The following MCC variants were observed in gnomAD, a reference collection of about 807,000 sequenced individuals.
MCC encodes the protein MCC regulator of Wnt signaling pathway, also known as colorectal mutant cancer protein.
A neutral mutation model predicts 116.2 loss-of-function variants in MCC; 90 were observed. The observed-to-expected ratio is 0.77, with a 90% confidence interval of 0.65 to 0.92. The LOEUF (loss-of-function observed/expected upper bound fraction) is 0.92, where lower values mean the gene tolerates loss of function less well. Among genes scored for constraint, MCC ranks in the 40% least tolerant of loss-of-function variants. The probability of loss-of-function intolerance (pLI) is 0.00; values close to 1 mark genes in which losing one functional copy is unlikely to be tolerated. For synonymous variants in MCC, 578 were observed against 510.5 expected (o/e 1.13, Z -1.78); for missense variants, 1,516 against 1,312.2 (o/e 1.16, Z -2.40).
chr5:113,225,804 A>G (rs191914992), intron 3 of MCC, among the ~76,000 whole-genome samples: 1 of 151,820 alleles, frequency 6.6e-6, no homozygotes, highest in Admixed American at 6.5e-5. Context: ...AGGTGATTAC[A>G]TCTGATGTCT....
chr5:113,235,634 G>A (rs1764100628), intron 3 of MCC, among the ~76,000 whole-genome samples: 1 of 152,210 alleles, frequency 6.6e-6, no homozygotes, highest in African/African-American at 2.4e-5. Flanking sequence ...CCTGGCCCAT[G>A]TCCCTTTATG....
chr5:113,478,388 G>C (rs1468227067), intron 1 of MCC, among the ~76,000 whole-genome samples: 1 of 152,196 alleles, frequency 6.6e-6, no homozygotes, highest in East Asian at 1.9e-4. Context: ...GAAACGGTTG[G>C]ATATTAGGTA....
intron 2 of MCC, among the ~76,000 whole-genome samples, chr5:113,343,344 C>T (rs777091646): frequency 2.6e-5 from 4 of 152,186 alleles, no homozygotes; most frequent in African/African-American, 4.8e-5. Context: ...GCAATTGCTC[C>T]AAGTTTACTT....
At position 113,104,364 on chromosome 5, in the gene MCC, G is replaced by C; in HGVS notation, c.1028-9C>G. 1 of 1,598,070 alleles carries C rather than the reference G, an allele frequency of 6.3e-7. No individual in the cohort carries two copies. The highest frequency in any genetic ancestry group is 8.5e-7 in the Non-Finnish European group (1 of 1,170,280). ...CAGGTCACTGCAGTTGTCTGTGAGT[G>C]AATGAAGACAAAATGCGTTACACAG... On this transcript the variant is annotated splice_polypyrimidine_tract_variant and intron_variant, in intron 6 of 18. Transcript: ENST00000408903.
chr5:113,055,433 C>T (rs761103892), intron 14 of MCC, among the ~76,000 whole-genome samples: 11 of 152,160 alleles, frequency 7.2e-5, no homozygotes, highest in Admixed American at 3.9e-4. Flanking sequence ...CACATTGCTA[C>T]GAAGACAAGG....
chr5:113,070,835 A>G (rs1753985914), intron 12 of MCC, among the ~76,000 whole-genome samples: 1 of 152,238 alleles, frequency 6.6e-6, no homozygotes, highest in Non-Finnish European at 1.5e-5. Context: ...TGAACATGTA[A>G]CATGCCAAAA....
rs574978273 is a variant in MCC, at chr5:113,023,603, A to G, written c.*3699T>C. The G allele has an allele frequency of 1.3e-5, 2 of 152,378 alleles. No homozygotes were observed. Among genetic ancestry groups the G allele is most frequent in the East Asian group, 1.9e-4 (1 of 5,196 alleles). The allele number at this position is 152,378 out of a possible 1,614,324, so 9.4% of individuals were successfully genotyped here. A position where few individuals can be genotyped will look rare whatever the true frequency, so the allele number is the denominator to read the frequency against. On this transcript the variant is annotated 3_prime_UTR_variant, in exon 19 of 19. Transcript: ENST00000408903. Reference sequence around the variant, plus strand: ...TTTTGGCTCTCAAAATACTCTAACTAGTAGCTCTGTTTGCTGAATCTAGAA... The same window carrying G: ...TTTTGGCTCTCAAAATACTCTAACTGGTAGCTCTGTTTGCTGAATCTAGAA...
At chr5:113,090,437 AT>A (rs1755529614) in intron 8 of MCC, among the ~76,000 whole-genome samples, 2 of 152,144 alleles carry the variant, frequency 1.3e-5, no homozygotes, top group Non-Finnish European at 2.9e-5. Context: ...TGAAGAACAC[AT>A]TGTTTTCTTC....
intron 3 of MCC, among the ~76,000 whole-genome samples, chr5:113,313,171 C>A (rs781574127): frequency 2.0e-5 from 3 of 151,912 alleles, no homozygotes; most frequent in African/African-American, 7.3e-5. Flanking sequence ...ATGGTGAAAC[C>A]CCGTCTCTAC....
In MCC at chr5:113,105,150, G is replaced by A. The variant is rs371333430; in HGVS notation, c.1028-795C>T. 3.3e-5 allele frequency among the ~76,000 whole-genome samples: 5 copies of A among 152,240 alleles called. No individual in the cohort carries two copies. The South Asian group carries it at 6.2e-4, about 19-fold the overall frequency. On this transcript the variant is annotated intron_variant, in intron 6 of 18. Coordinates refer to ENST00000408903, the MANE Select transcript of MCC (RefSeq NM_001085377.2). ...CCTGCTGTTTTGGATTCTGTCTATC[G>A]CCATGCCATTCAATTATTGTTGCAG...
In MCC at chr5:113,346,636, A is replaced by C. The variant is rs201994029; in HGVS notation, c.416-5906T>G. Among the ~76,000 whole-genome samples, 544 of 110,048 alleles carry C rather than the reference A, an allele frequency of 4.9e-3. 2 individuals are homozygous for C. Among genetic ancestry groups the C allele is most frequent in the African/African-American group, 0.017 (474 of 28,410 alleles). 72.2% of individuals were successfully genotyped at this position (110,048 alleles called of 152,430 possible). A position where few individuals can be genotyped will look rare whatever the true frequency, so the allele number is the denominator to read the frequency against. On this transcript the variant is annotated intron_variant, in intron 2 of 18. Coordinates refer to ENST00000408903, the MANE Select transcript of MCC (RefSeq NM_001085377.2). ...CAAACAACAACAACAACAACAACAAAAAAAACAACAAAAAGTTTATTGAAA... is the reference window on the plus strand; with the variant it reads ...CAAACAACAACAACAACAACAACAACAAAAACAACAAAAAGTTTATTGAAA...
intron 3 of MCC, among the ~76,000 whole-genome samples, chr5:113,224,480 C>A (rs1036931921): frequency 6.6e-6 from 1 of 152,150 alleles, no homozygotes; most frequent in Non-Finnish European, 1.5e-5. Flanking sequence ...GAAACAAAAA[C>A]GCCTGTTTTC....
At chr5:113,442,815 G>A (rs1771080897) in intron 1 of MCC, among the ~76,000 whole-genome samples, 1 of 152,192 alleles carries the variant, frequency 6.6e-6, no homozygotes, top group Non-Finnish European at 1.5e-5. Flanking sequence ...TTGTAGATGT[G>A]TGATGTTATT....
Position 113,340,545 on chromosome 5 carries a change from C to G in MCC, c.601G>C (p.Gly201Arg). ...GTGTTGGCCAGCTCTAGATAGCTTC[C>G]TCCTACAGAGTTGCCAATGTGCGGG... ...QSPHIGNSVG[G>R]SYLELANTLH... The change falls in exon 3 of 19, where the codon GGA becomes CGA. Residue 201 changes from glycine (G) to arginine (R), a missense_variant. Gly to Arg is a moderately radical substitution (Grantham distance 125). Coordinates refer to ENST00000408903, the MANE Select transcript of MCC (RefSeq NM_001085377.2). 1 of 1,614,178 alleles carries G rather than the reference C, an allele frequency of 6.2e-7. No homozygotes were observed. Among genetic ancestry groups the G allele is most frequent in the Non-Finnish European group, 8.5e-7 (1 of 1,180,010 alleles).
intron 3 of MCC, among the ~76,000 whole-genome samples, chr5:113,304,570 T>C (rs2150365994): frequency 6.6e-6 from 1 of 152,344 alleles, no homozygotes; most frequent in South Asian, 2.1e-4. Flanking sequence ...CATCATGTGA[T>C]GCATCAAATA....
chr5:113,348,869 G>A (rs1581418137), intron 2 of MCC, among the ~76,000 whole-genome samples: 1 of 152,090 alleles, frequency 6.6e-6, no homozygotes, highest in South Asian at 2.1e-4. Context: ...GGTGAAAAAG[G>A]AAACATTACA....
intron 3 of MCC, among the ~76,000 whole-genome samples, chr5:113,295,559 A>AAAGATGTCGATAGGCTCCCCAACCCC (rs1554074775): frequency 6.9e-6 from 1 of 145,618 alleles, no homozygotes; most frequent in Non-Finnish European, 1.6e-5. Flanking sequence ...CAACCCCCAG[A>AAAGATGTCGATAGGCTCCCCAACCCC]CCTTCCTTAA....
intron 1 of MCC, among the ~76,000 whole-genome samples, chr5:113,486,361 T>A (rs1772524586): frequency 6.6e-6 from 1 of 152,194 alleles, no homozygotes; most frequent in Non-Finnish European, 1.5e-5. Context: ...GGCTTCTTTA[T>A]CACCACCCAC....
At chr5:113,438,658 T>G (rs778038801) in intron 1 of MCC, among the ~76,000 whole-genome samples, 3 of 152,154 alleles carry the variant, frequency 2.0e-5, no homozygotes, top group Non-Finnish European at 4.4e-5. Context: ...AATATAGATC[T>G]ATTATACCTT....
Sources: allele counts gnomAD v4.1 joint callset (sites outside exome capture counted in the v4.1 genomes callset), GRCh38; gene constraint gnomAD v4.1.1; transcripts MANE v1.5; gene names NCBI Gene and HGNC (gene_info 2026-07-23, HGNC 2026-07-21).